MAP3K7CL: variants seen among roughly 807,000 people sequenced by gnomAD.
MAP3K7CL encodes MAP3K7 C-terminal-like protein.
In MAP3K7CL, 16 loss-of-function variants were observed where a neutral mutation model predicts 18.6. The observed-to-expected ratio is 0.86, with a 90% CI of 0.58 to 1.31. The LOEUF (loss-of-function observed/expected upper bound fraction) is 1.31, where lower values mean the gene tolerates loss of function less well. Among genes scored for constraint, MAP3K7CL ranks in the 50% most tolerant of loss-of-function variants. The pLI is 0.00. For synonymous variants in MAP3K7CL, 65 were observed against 66.8 expected, an observed-to-expected ratio of 0.97 and a Z score of 0.13; for missense variants, 163 against 174.4, an observed-to-expected ratio of 0.93 and a Z score of 0.37.
intron 4 of MAP3K7CL, among the ~76,000 whole-genome samples, chr21:29,111,272 AAAC>A (rs148218950): frequency 0.44 from 66,646 of 151,254 alleles, 14,921 homozygotes; most frequent in East Asian, 0.63. Context: ...AGAAAAAACA[AAAC>A]AACAACAACA....
At chr21:29,110,649 C>T (rs977644087) in intron 4 of MAP3K7CL, among the ~76,000 whole-genome samples, 2 of 152,142 alleles carry the variant, frequency 1.3e-5, no homozygotes, top group African/African-American at 4.8e-5. Context: ...CACCCCCGCT[C>T]AGTCTCCCAA....
chr21:29,168,139 C>T (rs1485730927), intron 4 of MAP3K7CL, among the ~76,000 whole-genome samples: 1 of 152,136 alleles, frequency 6.6e-6, no homozygotes, highest in Non-Finnish European at 1.5e-5. Context: ...ATTTACTCAG[C>T]CTCCAGAAAT....
At chr21:29,118,063 G>A in intron 4 of MAP3K7CL, among the ~76,000 whole-genome samples, 1 of 149,728 alleles carries the variant, frequency 6.7e-6, no homozygotes, top group Non-Finnish European at 1.5e-5. Flanking sequence ...AAACTTTAGA[G>A]AGTATTAATT....
At chr21:29,124,164 C>T (rs770727731) in intron 4 of MAP3K7CL, among the ~76,000 whole-genome samples, 2 of 151,664 alleles carry the variant, frequency 1.3e-5, no homozygotes, top group South Asian at 2.1e-4. Flanking sequence ...ACCAGCCTGG[C>T]GAAGGTGGTG....
chr21:29,144,428 G>A, intron 2 of MAP3K7CL, among the ~76,000 whole-genome samples: 1 of 152,232 alleles, frequency 6.6e-6, no homozygotes, highest in East Asian at 1.9e-4. Flanking sequence ...GCCTCCCAAA[G>A]TGCTAGGATT....
intron 4 of MAP3K7CL, among the ~76,000 whole-genome samples, chr21:29,116,273 A>G (rs1014769737): frequency 2.6e-5 from 4 of 152,258 alleles, no homozygotes; most frequent in Non-Finnish European, 4.4e-5. Context: ...TGAATTTAGA[A>G]GAGTCAAGTA....
intron 4 of MAP3K7CL, among the ~76,000 whole-genome samples, chr21:29,098,098 G>T (rs940350701): frequency 6.6e-6 from 1 of 152,164 alleles, no homozygotes; most frequent in African/African-American, 2.4e-5. Flanking sequence ...GGCACATGAG[G>T]CTCATGTCTA....
At position 29,130,853 on chromosome 21, in the gene MAP3K7CL, A is replaced by T. The variant is rs1040238861; in HGVS notation, c.-110A>T. On this transcript the variant is annotated 5_prime_UTR_variant, in exon 1 of 5. Transcript: ENST00000399928. ...TGGTCTCTCACTGAGTCTCTACTCCACAAAGGCAACGACTGGCCAAGGCAG... is the reference window on the plus strand; with the variant it reads ...TGGTCTCTCACTGAGTCTCTACTCCTCAAAGGCAACGACTGGCCAAGGCAG... 1 of 985,460 alleles carries T rather than the reference A, an allele frequency of 1.0e-6. No homozygotes were observed. Among genetic ancestry groups the T allele is most frequent in the Non-Finnish European group, 1.2e-6 (1 of 830,028 alleles). 61.0% of individuals were successfully genotyped at this position (985,460 alleles called of 1,614,324 possible). A position where few individuals can be genotyped will look rare whatever the true frequency, so the allele number is the denominator to read the frequency against.
intron 4 of MAP3K7CL, chr21:29,122,109 T>G (rs2086603755): frequency 6.6e-6 from 1 of 152,266 alleles, no homozygotes; most frequent in South Asian, 2.1e-4. Context: ...GTAGTTAAGT[T>G]GTAAAACAGG....
At chr21:29,100,060 G>C (rs2086197457) in intron 4 of MAP3K7CL, among the ~76,000 whole-genome samples, 1 of 150,138 alleles carries the variant, frequency 6.7e-6, no homozygotes, top group Non-Finnish European at 1.5e-5. Flanking sequence ...TCTAGCCTGG[G>C]CGACAGAGCG....
intron 3 of MAP3K7CL, among the ~76,000 whole-genome samples, chr21:29,159,303 G>A (rs2087483221): frequency 6.6e-6 from 1 of 152,124 alleles, no homozygotes; most frequent in Admixed American, 6.6e-5. Context: ...GGCTTGCCAC[G>A]CTGGCCTTTG....
upstream of MAP3K7CL, among the ~76,000 whole-genome samples, chr21:29,083,090 T>C (rs1428190126): frequency 2.0e-5 from 3 of 152,232 alleles, no homozygotes. Context: ...TCAGAAATAT[T>C]TGGAGGGCAT....
At chr21:29,095,467 T>C (rs144354463) in intron 4 of MAP3K7CL, among the ~76,000 whole-genome samples, 1,653 of 152,292 alleles carry the variant, frequency 0.011, 13 homozygotes, top group Non-Finnish European at 0.014. Flanking sequence ...GGAGCCGTCC[T>C]CTTTTGCCTC....
intron 1 of MAP3K7CL, among the ~76,000 whole-genome samples, chr21:29,078,340 A>T (rs1327985172): frequency 4.6e-5 from 7 of 152,002 alleles, no homozygotes; most frequent in South Asian, 2.1e-4. Context: ...ATAAATTTAA[A>T]TTTTTTTCTC....
At chr21:29,111,917 C>T (rs2146562012) in intron 4 of MAP3K7CL, among the ~76,000 whole-genome samples, 1 of 152,342 alleles carries the variant, frequency 6.6e-6, no homozygotes, top group Non-Finnish European at 1.5e-5. Flanking sequence ...AGCTCTCATT[C>T]TTATGTCTGC....
At chr21:29,150,771 CTT>C (rs34512099) in intron 3 of MAP3K7CL, among the ~76,000 whole-genome samples, 12 of 127,124 alleles carry the variant, frequency 9.4e-5, no homozygotes, top group Non-Finnish European at 1.3e-4. Context: ...TCTACCTTTC[CTT>C]TTTTTTTTTT....
rs531142559 is a variant in MAP3K7CL, at chr21:29,130,738, G to T, written c.-225G>T. 13 of 985,566 alleles carry T rather than the reference G, an allele frequency of 1.3e-5. No homozygotes were observed. In the African/African-American group the frequency reaches 2.3e-4, roughly 17 times the overall value. 61.1% of individuals were successfully genotyped at this position (985,566 alleles called of 1,614,324 possible). A position where few individuals can be genotyped will look rare whatever the true frequency, so the allele number is the denominator to read the frequency against. On this transcript the variant is annotated 5_prime_UTR_variant, in exon 1 of 5. Coordinates refer to ENST00000399928, the MANE Select transcript of MAP3K7CL (RefSeq NM_001286620.2). ...GAAGGGAGGTCCCGTGGGACGCTGG[G>T]GTCTGGGGCAGAGCAGGTAGCAGCG... is the stretch of plus-strand genomic sequence containing the variant.
chr21:29,099,505 CAT>C (rs1285629473), intron 4 of MAP3K7CL, among the ~76,000 whole-genome samples: 1 of 152,036 alleles, frequency 6.6e-6, no homozygotes, highest in Non-Finnish European at 1.5e-5. Flanking sequence ...TAAAATAAAA[CAT>C]CTCAATATAT....
At chr21:29,103,923 A>C (rs971533927) in intron 4 of MAP3K7CL, among the ~76,000 whole-genome samples, 6 of 152,088 alleles carry the variant, frequency 3.9e-5, no homozygotes, top group Non-Finnish European at 8.8e-5. Context: ...CTAAACTAAA[A>C]TAAAAAGTTT....
Sources: gnomAD v4.1 joint callset for allele counts (sites outside exome capture counted in the v4.1 genomes callset) on GRCh38, gnomAD v4.1.1 for gene constraint, MANE v1.5 for transcripts, NCBI Gene and HGNC (gene_info 2026-07-23, HGNC 2026-07-21) for gene names.